The following ATF6 variants were observed in gnomAD, a reference collection of about 807,000 sequenced individuals.
The protein encoded by ATF6 is cyclic AMP-dependent transcription factor ATF-6 alpha.
A neutral mutation model predicts 83.6 loss-of-function variants in ATF6; 53 were observed. The ratio of observed to expected loss-of-function variants is 0.63; its 90% confidence interval spans 0.51 to 0.80. ATF6 has a LOEUF of 0.80. Ranked by LOEUF, ATF6 falls within the 30% of genes least tolerant of loss-of-function variation. ATF6 has a pLI of 0.00. For missense variants in ATF6, 744 were observed against 797.9 expected (o/e 0.93, Z 0.81); for synonymous variants, 288 against 285.8 (o/e 1.01, Z -0.08).
intron 14 of ATF6, among the ~76,000 whole-genome samples, chr1:161,878,089 G>C (rs1687252959): frequency 6.6e-6 from 1 of 152,026 alleles, no homozygotes; most frequent in African/African-American, 2.4e-5. Context: ...GCTAAGAAGA[G>C]TAATTAAGAA....
chr1:161,928,808 A>G (rs901757398), intron 15 of ATF6, among the ~76,000 whole-genome samples: 1 of 152,196 alleles, frequency 6.6e-6, no homozygotes, highest in Non-Finnish European at 1.5e-5. Flanking sequence ...GTGTTTTCCC[A>G]GGAAAACTGG....
chr1:161,791,401 GC>G lies in ATF6; in HGVS notation c.355-6del. 2 of 1,596,542 alleles carry G rather than the reference GC, an allele frequency of 1.3e-6. No homozygotes were observed. The highest frequency in any genetic ancestry group is 1.7e-6 in the Non-Finnish European group (2 of 1,174,804). ...ACTCATTAATTTTTGTTTTTATTATGCTACAGGAGGAGTTGGATTTGTCTTC... is the reference window on the plus strand; with the variant it reads ...ACTCATTAATTTTTGTTTTTATTATGTACAGGAGGAGTTGGATTTGTCTTC... On this transcript the variant is annotated splice_polypyrimidine_tract_variant and splice_region_variant and intron_variant, in intron 4 of 15. Transcript: ENST00000367942.
At chr1:161,834,861 T>A (rs1342766528) in intron 9 of ATF6, among the ~76,000 whole-genome samples, 1 of 151,948 alleles carries the variant, frequency 6.6e-6, no homozygotes, top group Non-Finnish European at 1.5e-5. Flanking sequence ...TTATATAGAA[T>A]GTAACACAGG....
chr1:161,889,948 T>C (rs1687511850), intron 14 of ATF6, among the ~76,000 whole-genome samples: 1 of 152,250 alleles, frequency 6.6e-6, no homozygotes, highest in Non-Finnish European at 1.5e-5. Context: ...AAAAGTCACA[T>C]GAATACTGAA....
chr1:161,852,350 G>A (rs1017069591), intron 11 of ATF6, among the ~76,000 whole-genome samples: 1 of 152,076 alleles, frequency 6.6e-6, no homozygotes, highest in African/African-American at 2.4e-5. Context: ...CACAGCTGCT[G>A]TAAAAAGTAA....
intron 9 of ATF6, among the ~76,000 whole-genome samples, chr1:161,830,473 AG>A (rs924183057): frequency 6.0e-4 from 92 of 152,248 alleles, no homozygotes; most frequent in African/African-American, 2.2e-3. Flanking sequence ...GAACCAAAAA[AG>A]AGCCTGCATC....
Position 161,877,316 on chromosome 1 carries a change from A to T in ATF6, c.1719+14004A>T, listed in dbSNP as rs916217262. ...CAGATAAATTAGCAAAATAATTGACAGATATAGTAAGCATGATGAAAACAC... is the reference window on the plus strand; with the variant it reads ...CAGATAAATTAGCAAAATAATTGACTGATATAGTAAGCATGATGAAAACAC... On this transcript the variant is annotated intron_variant, in intron 14 of 15. Coordinates refer to ENST00000367942, the MANE Select transcript of ATF6 (RefSeq NM_007348.4). 4.6e-5 allele frequency among the ~76,000 whole-genome samples: 7 copies of T among 152,262 alleles called. No homozygotes were observed. The East Asian group carries it at 1.3e-3, about 29-fold the overall frequency.
intron 9 of ATF6, among the ~76,000 whole-genome samples, chr1:161,828,167 G>A (rs1490060749): frequency 3.3e-5 from 5 of 151,540 alleles, no homozygotes; most frequent in African/African-American, 1.2e-4. Flanking sequence ...CTACTATGCT[G>A]TAAAGTGTTA....
intron 15 of ATF6, among the ~76,000 whole-genome samples, chr1:161,932,872 G>A (rs1313687162): frequency 6.6e-6 from 1 of 152,162 alleles, no homozygotes; most frequent in Non-Finnish European, 1.5e-5. Flanking sequence ...TTTGGACTGA[G>A]ACCTGCAATT....
intron 1 of ATF6, among the ~76,000 whole-genome samples, chr1:161,770,789 T>C (rs1320546621): frequency 1.3e-5 from 2 of 152,206 alleles, no homozygotes; most frequent in African/African-American, 4.8e-5. Flanking sequence ...CTGAAAACAT[T>C]TGTGTGCAGG....
At chr1:161,826,750 C>A (rs905352414) in intron 9 of ATF6, among the ~76,000 whole-genome samples, 29 of 152,062 alleles carry the variant, frequency 1.9e-4, no homozygotes, top group African/African-American at 6.8e-4. Flanking sequence ...AGGAAACTGG[C>A]TGTGAAATTT....
chr1:161,798,925 A>G (rs1685080113), intron 6 of ATF6, among the ~76,000 whole-genome samples: 3 of 152,250 alleles, frequency 2.0e-5, no homozygotes, highest in South Asian at 2.1e-4. Flanking sequence ...CAGAATGGCT[A>G]CTATCAAAAA....
chr1:161,957,016 G>A (rs1469066900), intron 15 of ATF6, among the ~76,000 whole-genome samples: 1 of 151,978 alleles, frequency 6.6e-6, no homozygotes, highest in Non-Finnish European at 1.5e-5. Context: ...AGGACACCCT[G>A]GACTAGATGA....
At chr1:161,955,331 G>A (rs754019799) in intron 15 of ATF6, among the ~76,000 whole-genome samples, 4 of 152,144 alleles carry the variant, frequency 2.6e-5, no homozygotes, top group South Asian at 2.1e-4. Flanking sequence ...TGTAGGCAAC[G>A]ATTGAAGGTG....
At chr1:161,912,150 T>C in intron 14 of ATF6, 146 bp from the exon 15 acceptor site, 1 of 528,004 alleles carries the variant, frequency 1.9e-6, no homozygotes, top group South Asian at 2.9e-5. Context: ...CTAAGCTGGT[T>C]TGTAGTTAAT....
intron 6 of ATF6, among the ~76,000 whole-genome samples, chr1:161,792,991 T>C (rs999220923): frequency 1.3e-5 from 2 of 152,206 alleles, no homozygotes; most frequent in African/African-American, 4.8e-5. Flanking sequence ...ATTGTACTCA[T>C]ACTGATATCT....
intron 15 of ATF6, among the ~76,000 whole-genome samples, chr1:161,922,734 G>A (rs1333042086): frequency 7.2e-5 from 11 of 151,988 alleles, no homozygotes; most frequent in Non-Finnish European, 1.5e-5. Flanking sequence ...AGGCTGGAAA[G>A]AATGTGTTCG....
At chr1:161,904,291 TTAAAAC>T (rs1399057612) in intron 14 of ATF6, among the ~76,000 whole-genome samples, 6 of 152,110 alleles carry the variant, frequency 3.9e-5, no homozygotes, top group Admixed American at 2.6e-4. Flanking sequence ...AAAATGCACT[TTAAAAC>T]TGAATGGAAG....
At chr1:161,792,040 A>G in intron 5 of ATF6, 84 bp from the exon 6 acceptor site, 1 of 1,117,972 alleles carries the variant, frequency 8.9e-7, no homozygotes, top group South Asian at 1.3e-5. Context: ...TAATGTGTAG[A>G]GAAAGGTGTG....
Sources: gnomAD v4.1 joint callset for allele counts (sites outside exome capture counted in the v4.1 genomes callset) on GRCh38, gnomAD v4.1.1 for gene constraint, MANE v1.5 for transcripts, NCBI Gene and HGNC (gene_info 2026-07-23, HGNC 2026-07-21) for gene names.